The following CAPN11 variants were observed in gnomAD, a reference collection of about 807,000 sequenced individuals.
The protein encoded by CAPN11 is calpain 11, also known as calpain-11.
A neutral mutation model predicts 105.3 loss-of-function variants in CAPN11; 108 were observed. The ratio of observed to expected loss-of-function variants is 1.03; its 90% CI spans 0.88 to 1.20. The LOEUF (loss-of-function observed/expected upper bound fraction) is 1.20. CAPN11 is among the 50% of genes most tolerant of loss of function. The probability of loss-of-function intolerance (pLI) is 0.00; values close to 1 mark genes in which losing one functional copy is unlikely to be tolerated. For synonymous variants in CAPN11, 329 were observed against 344.5 expected (o/e 0.96, Z 0.50); for missense variants, 883 against 924.8 (o/e 0.95, Z 0.59).
chr6:44,181,208 A>G (rs1773078752), intron 18 of CAPN11, 44 bp from the exon 19 acceptor site: 1 of 1,576,364 alleles, frequency 6.3e-7, no homozygotes, highest in Non-Finnish European at 8.7e-7. Flanking sequence ...ATCCCCTGGG[A>G]TGCCTTCTTC....
chr6:44,174,263 G>A (rs1377294988), intron 7 of CAPN11, among the ~76,000 whole-genome samples: 2 of 152,090 alleles, frequency 1.3e-5, no homozygotes, highest in African/African-American at 4.8e-5. Flanking sequence ...CCTTCAATGA[G>A]TAAATGGTTA....
At chr6:44,168,930 A>ATTTTTT (rs35889800) in intron 2 of CAPN11, 8 of 428,160 alleles carry the variant, frequency 1.9e-5, no homozygotes, top group Non-Finnish European at 3.3e-5. Flanking sequence ...CTATTTATTT[A>ATTTTTT]TTTTTTTTTA....
chr6:44,177,413 T>C lies in CAPN11; in HGVS notation c.1409T>C (p.Leu470Pro), dbSNP rs779426915. 2 of 1,611,000 alleles carry C rather than the reference T, an allele frequency of 1.2e-6. No homozygotes were observed. The highest frequency in any genetic ancestry group is 2.7e-5 in the African/African-American group (2 of 74,826). Residue 470 changes from leucine (L) to proline (P), a missense_variant, in exon 12 of 23, where the codon CTC (leucine) becomes CCC (proline). By Grantham distance (98) the Leu-to-Pro change is moderately conservative. Transcript: ENST00000398776. ...CAGCTGCAGACCATTGGCTTTGTCC[T>C]CTACGCGGTGGGTGCCTGGCTGGTC... ...GAQLQTIGFV[L>P]YAVPKEFQNI...
intron 6 of CAPN11, 72 bp from the exon 7 acceptor site, chr6:44,173,146 G>T (rs1269208057): frequency 5.6e-6 from 9 of 1,603,198 alleles, no homozygotes; most frequent in Non-Finnish European, 7.7e-6. Flanking sequence ...GGGAGGGGAG[G>T]GGGTAGCAGG....
intron 11 of CAPN11, 90 bp downstream of exon 11, chr6:44,177,088 C>G (rs755027876): frequency 4.1e-5 from 62 of 1,510,334 alleles, no homozygotes; most frequent in Non-Finnish European, 5.2e-5. Flanking sequence ...CACGAGTCAC[C>G]GGAGTCAGGG....
chr6:44,174,636 T>C (rs1771643692), intron 7 of CAPN11, among the ~76,000 whole-genome samples: 1 of 139,180 alleles, frequency 7.2e-6, no homozygotes, highest in Admixed American at 7.1e-5. Flanking sequence ...TTTTTTTTTT[T>C]TGAGACAGAG....
intron 11 of CAPN11, 113 bp from the exon 12 acceptor site, chr6:44,177,129 C>T: frequency 1.4e-6 from 2 of 1,459,848 alleles, no homozygotes; most frequent in Admixed American, 2.0e-5. Context: ...TCAGATTTCA[C>T]AGCCCCTGTG....
chr6:44,166,830 G>A lies in CAPN11; in HGVS notation c.88+1G>A. On this transcript the variant is annotated splice_donor_variant, in intron 2 of 22. Coordinates refer to ENST00000398776, the MANE Select transcript of CAPN11 (RefSeq NM_007058.4). LOFTEE classifies it high-confidence loss of function. ...GATAAGCCTCGGGGCTCATGTGCGG[G>A]TAGGACTGCAGACCCGTCGTGGCTC... 1 of 1,548,956 alleles carries A rather than the reference G, an allele frequency of 6.5e-7. No individual in the cohort carries two copies. Among genetic ancestry groups the A allele is most frequent in the Admixed American group, 2.0e-5 (1 of 50,954 alleles).
At chr6:44,179,819 G>A in intron 13 of CAPN11, 133 bp from the exon 14 acceptor site, 1 of 888,944 alleles carries the variant, frequency 1.1e-6, no homozygotes, top group Admixed American at 1.9e-5. Flanking sequence ...GGGCCACTTA[G>A]ATGGTGTCCA....
At chr6:44,182,773 C>T in intron 19 of CAPN11, among the ~76,000 whole-genome samples, 168 bp from the exon 20 acceptor site, 1 of 152,136 alleles carries the variant, frequency 6.6e-6, no homozygotes. Flanking sequence ...GGGGTTTCGT[C>T]ATGTTGGCCA....
At chr6:44,163,240 C>T (rs1295883584) in intron 1 of CAPN11, among the ~76,000 whole-genome samples, 1 of 152,184 alleles carries the variant, frequency 6.6e-6, no homozygotes, top group Non-Finnish European at 1.5e-5. Context: ...TTCTCTGGCT[C>T]CAGTGCAGCC....
intron 9 of CAPN11, 113 bp from the exon 10 acceptor site, chr6:44,176,468 T>C (rs1210770329): frequency 6.1e-6 from 8 of 1,302,180 alleles, no homozygotes; most frequent in Non-Finnish European, 6.6e-6. Context: ...AGATTCTCCA[T>C]CTAGCTCCGC....
intron 7 of CAPN11, 86 bp downstream of exon 7, chr6:44,173,472 C>T (rs1771365101): frequency 2.4e-6 from 2 of 822,096 alleles, no homozygotes; most frequent in Non-Finnish European, 3.9e-6. Flanking sequence ...TCTGCACGGC[C>T]AGCACCTTCT....
Position 44,180,481 on chromosome 6 carries a change from T to A in CAPN11, c.1662T>A (p.Tyr554Ter), listed in dbSNP as rs1314749421. The change falls in exon 15 of 23, where the codon TAT becomes TAA. Residue 554 changes from tyrosine (Y) to a stop codon, truncating the protein, a stop_gained. Coordinates refer to ENST00000398776, the MANE Select transcript of CAPN11 (RefSeq NM_007058.4). LOFTEE classifies it high-confidence loss of function. ...SESWELDEVN[Y>*]AEQLQEEKVS... ...CCAGGGAATTGGATGAAGTCAACTA[T>A]GCTGAGCAACTCCAAGAGGTGAGGG... is the stretch of plus-strand genomic sequence containing the variant. 6.2e-7 allele frequency: 1 copy of A among 1,613,694 alleles called. No individual in the cohort carries two copies. The highest frequency in any genetic ancestry group is 8.5e-7 in the Non-Finnish European group (1 of 1,179,802).
At chr6:44,170,673 C>T (rs536632727) in intron 4 of CAPN11, among the ~76,000 whole-genome samples, 14 of 152,290 alleles carry the variant, frequency 9.2e-5, no homozygotes, top group African/African-American at 3.1e-4. Flanking sequence ...TGAATCTGGT[C>T]CACACTCAAG....
chr6:44,161,340 C>T (rs1239054768), intron 1 of CAPN11, among the ~76,000 whole-genome samples: 8 of 152,156 alleles, frequency 5.3e-5, no homozygotes, highest in African/African-American at 1.9e-4. Flanking sequence ...GCTGGGACTA[C>T]AGGCATGTGC....
chr6:44,169,204 G>A (rs1429349889), intron 2 of CAPN11, 77 bp from the exon 3 acceptor site: 20 of 1,447,740 alleles, frequency 1.4e-5, no homozygotes, highest in Non-Finnish European at 1.9e-5. Context: ...AAAGTGCTGA[G>A]ATTACAGGAG....
intron 1 of CAPN11, among the ~76,000 whole-genome samples, chr6:44,160,809 A>G (rs1022270027): frequency 6.6e-6 from 1 of 152,204 alleles, no homozygotes; most frequent in African/African-American, 2.4e-5. Flanking sequence ...AAACATCAGG[A>G]TATTTTGAGA....
At chr6:44,161,400 A>G (rs1768778657) in intron 1 of CAPN11, among the ~76,000 whole-genome samples, 1 of 152,148 alleles carries the variant, frequency 6.6e-6, no homozygotes, top group Admixed American at 6.5e-5. Flanking sequence ...GGGTTTCACC[A>G]TGTTGGCCAG....
Sources: allele counts gnomAD v4.1 joint callset (sites outside exome capture counted in the v4.1 genomes callset), GRCh38; gene constraint gnomAD v4.1.1; transcripts MANE v1.5; gene names NCBI Gene and HGNC (gene_info 2026-07-23, HGNC 2026-07-21).